Variants in HDGFL3 observed in about 807,000 individuals in gnomAD.
HDGFL3 encodes the protein HDGF like 3.
Under a neutral mutation model 27.6 loss-of-function variants are expected in HDGFL3, and 6 were observed. The observed-to-expected ratio is 0.22, with a 90% CI of 0.12 to 0.43. HDGFL3 has a LOEUF of 0.43. HDGFL3 is among the 20% of genes least tolerant of loss of function. HDGFL3 has a pLI of 1.00. For synonymous variants in HDGFL3, 88 were observed against 88.9 expected, an observed-to-expected ratio of 0.99 and a Z score of 0.05; for missense variants, 207 against 250.1, an observed-to-expected ratio of 0.83 and a Z score of 1.16.
rs1300709314 is a variant in HDGFL3, at chr15:83,157,986, C to T, written c.217G>A (p.Gly73Arg). The T allele has an allele frequency of 2.5e-6, 4 of 1,612,276 alleles. No homozygotes were observed. In the South Asian group the frequency reaches 4.4e-5, roughly 18 times the overall value. Residue 73 changes from glycine to arginine, a missense_variant, in exon 3 of 6, where the codon GGA (glycine) becomes AGA (arginine). Coordinates refer to ENST00000299633, the MANE Select transcript of HDGFL3 (RefSeq NM_016073.4). ...AATCCTTTCCGTTTGTTTGACTTTC[C>T]AAACTTGTCTTTGTACTCCTTATAT... ...FPYKEYKDKF[G>R]KSNKRKGFNE... is the part of the protein sequence containing the mutation.
chr15:83,144,585 T>C (rs1442643624), intron 5 of HDGFL3: 3 of 454,250 alleles, frequency 6.6e-6, no homozygotes, highest in Non-Finnish European at 1.3e-5. Flanking sequence ...AGAGGAGGCC[T>C]CTGGGAAACA....
At chr15:83,123,794 A>C (rs951528208), downstream of HDGFL3, among the ~76,000 whole-genome samples, 4 of 152,242 alleles carry the variant, frequency 2.6e-5, no homozygotes, top group Non-Finnish European at 4.4e-5. Context: ...CAGTGTGTCA[A>C]CAGAGTAGGT....
At chr15:83,191,437 G>A (rs2037509540) in intron 1 of HDGFL3, among the ~76,000 whole-genome samples, 1 of 152,160 alleles carries the variant, frequency 6.6e-6, no homozygotes, top group Admixed American at 6.5e-5. Flanking sequence ...CCACAGTCAT[G>A]GATTAGAAGC....
At chr15:83,148,619 C>T (rs1465036292) in intron 5 of HDGFL3, among the ~76,000 whole-genome samples, 1 of 149,760 alleles carries the variant, frequency 6.7e-6, no homozygotes, top group Admixed American at 6.6e-5. Context: ...GAGACTCCGT[C>T]TCGAAAAAAA....
chr15:83,151,294 T>A lies in HDGFL3; in HGVS notation c.527A>T (p.Asn176Ile). 6.2e-7 allele frequency: 1 copy of A among 1,613,544 alleles called. No individual in the cohort carries two copies. The highest frequency in any genetic ancestry group is 8.5e-7 in the Non-Finnish European group (1 of 1,179,758). The change falls in exon 5 of 6, where the codon AAC becomes ATC. Residue 176 changes from asparagine (N) to isoleucine (I), a missense_variant. By Grantham distance (149) the Asn-to-Ile change is moderately radical. Coordinates refer to ENST00000299633, the MANE Select transcript of HDGFL3 (RefSeq NM_016073.4). The stretch of plus-strand genomic sequence containing the variant: ...ATCTCCACCCTCAGAGCTGCTTTTG[T>A]TTTCCTCTTCTTTGCAGTCTTTGTC... ...EDDKDCKEEE[N>I]KSSSEGGDAG...
chr15:83,139,764 A>T (rs894220666), intron 5 of HDGFL3, among the ~76,000 whole-genome samples: 8 of 152,226 alleles, frequency 5.3e-5, no homozygotes, highest in African/African-American at 2.4e-5. Context: ...GAAGTTAATC[A>T]TGATGTACAA....
In HDGFL3 at chr15:83,139,162, A is replaced by G. The variant is rs2036716313; in HGVS notation, c.*108T>C. Reference sequence around the variant, plus strand: ...GTACATACAAACTGGGGTTCTGTCAATGACAACAAGGACTATGTGTTGGTT... The same window carrying G: ...GTACATACAAACTGGGGTTCTGTCAGTGACAACAAGGACTATGTGTTGGTT... On this transcript the variant is annotated 3_prime_UTR_variant, in exon 6 of 6. Transcript: ENST00000299633. 4 of 647,986 alleles carry G rather than the reference A, an allele frequency of 6.2e-6. No individual in the cohort carries two copies. Among genetic ancestry groups the G allele is most frequent in the Non-Finnish European group, 9.6e-6 (4 of 417,600 alleles). 40.1% of individuals were successfully genotyped at this position (647,986 alleles called of 1,614,324 possible).
At chr15:83,173,470 A>G (rs1223882798) in intron 1 of HDGFL3, among the ~76,000 whole-genome samples, 3 of 152,198 alleles carry the variant, frequency 2.0e-5, no homozygotes, top group Non-Finnish European at 4.4e-5. Flanking sequence ...AGATGGGTTT[A>G]TCCGGACATA....
chr15:83,205,387 CT>C (rs2037704662), intron 1 of HDGFL3, among the ~76,000 whole-genome samples: 1 of 152,114 alleles, frequency 6.6e-6, no homozygotes, highest in South Asian at 2.1e-4. Flanking sequence ...ACAGATTTTT[CT>C]TTCTTGTACC....
chr15:83,192,524 C>G (rs375028670), intron 1 of HDGFL3, among the ~76,000 whole-genome samples: 1 of 152,044 alleles, frequency 6.6e-6, no homozygotes, highest in Admixed American at 6.6e-5. Flanking sequence ...AAAAAAGGCA[C>G]GATGAATGAG....
chr15:83,207,199 G>A lies in HDGFL3; in HGVS notation c.84+132C>T. 1 of 520,356 alleles carries A rather than the reference G, an allele frequency of 1.9e-6. No homozygotes were observed. Among genetic ancestry groups the A allele is most frequent in the Non-Finnish European group, 3.0e-6 (1 of 337,708 alleles). 32.2% of individuals were successfully genotyped at this position (520,356 alleles called of 1,614,324 possible). A position where few individuals can be genotyped will look rare whatever the true frequency, so the allele number is the denominator to read the frequency against. The stretch of plus-strand genomic sequence containing the variant: ...GGCCCGGTCTTCTTCGTGCCGCGCC[G>A]CCCTCAGCCCTCACCACAGCCGGCC... On this transcript the variant is annotated intron_variant, in intron 1 of 5. Transcript: ENST00000299633. The surrounding 1 kb of genome is among the most constrained non-coding windows in gnomAD (Gnocchi z 4.8).
At chr15:83,163,865 C>T in intron 2 of HDGFL3, 134 bp downstream of exon 2, 1 of 629,308 alleles carries the variant, frequency 1.6e-6, no homozygotes, top group Non-Finnish European at 2.8e-6. Context: ...AACAAAAATA[C>T]ATTATTAACT....
intron 1 of HDGFL3, among the ~76,000 whole-genome samples, chr15:83,198,173 C>T (rs2037596338): frequency 6.6e-6 from 1 of 150,936 alleles, no homozygotes; most frequent in African/African-American, 2.4e-5. Flanking sequence ...CTTTTGGGAT[C>T]AGGGGACATA....
chr15:83,169,380 A>ACG, intron 1 of HDGFL3: 1 of 146,626 alleles, frequency 6.8e-6, no homozygotes, highest in South Asian at 1.5e-4. Context: ...GCGCCACTGC[A>ACG]CTCCAGCCTG....
At chr15:83,166,644 C>A (rs1032104180) in intron 1 of HDGFL3, among the ~76,000 whole-genome samples, 24 of 152,170 alleles carry the variant, frequency 1.6e-4, no homozygotes, top group African/African-American at 4.8e-4. Flanking sequence ...AGAGGTTTAA[C>A]TGGCTCATGG....
chr15:83,122,715 T>C (rs753775187), intron 3 of HDGFL3: 33 of 1,604,492 alleles, frequency 2.1e-5, no homozygotes, highest in East Asian at 1.6e-4. Context: ...TTGTGTTAGA[T>C]ATGCTTTTGG....
At chr15:83,113,193 C>G in exon 4 of HDGFL3, 2 of 472,600 alleles carry the variant, frequency 4.2e-6, no homozygotes, top group African/African-American at 3.9e-5. Flanking sequence ...GACTCTCATG[C>G]TAGCTCCTTC....
chr15:83,118,834 C>A (rs1451713239), intron 3 of HDGFL3, among the ~76,000 whole-genome samples: 2 of 152,150 alleles, frequency 1.3e-5, no homozygotes, highest in East Asian at 3.9e-4. Context: ...TAGAAGCCAC[C>A]TGGAAATGTA....
chr15:83,125,294 C>A (rs1417699331), downstream of HDGFL3, among the ~76,000 whole-genome samples: 1 of 152,126 alleles, frequency 6.6e-6, no homozygotes, highest in Non-Finnish European at 1.5e-5. Flanking sequence ...ATTGATGTGA[C>A]TGAAATACAT....
Sources: allele counts gnomAD v4.1 joint callset (sites outside exome capture counted in the v4.1 genomes callset), GRCh38; gene constraint gnomAD v4.1.1; non-coding constraint Gnocchi (gnomAD v3.1); transcripts MANE v1.5; gene names NCBI Gene and HGNC (gene_info 2026-07-23, HGNC 2026-07-21).